Variants in TOGARAM1 observed in about 807,000 individuals in gnomAD.
TOGARAM1 encodes TOG array regulator of axonemal microtubules 1, also known as TOG array regulator of axonemal microtubules protein 1.
TOGARAM1 carries 100 observed loss-of-function variants against 166.6 expected under a neutral mutation model. The observed-to-expected ratio is 0.60, with a 90% CI of 0.51 to 0.71. The LOEUF is 0.71. TOGARAM1 is among the 30% of genes least tolerant of loss of function. The pLI, the probability that TOGARAM1 is intolerant of heterozygous loss-of-function variation, is 0.00. For synonymous variants in TOGARAM1, 758 were observed against 763.8 expected (o/e 0.99, Z 0.13); for missense variants, 2,029 against 2,102.7 (o/e 0.96, Z 0.69).
chr14:45,012,177 C>A, intron 7 of TOGARAM1, 102 bp downstream of exon 7: 1 of 662,730 alleles, frequency 1.5e-6, no homozygotes, highest in Non-Finnish European at 2.4e-6. Flanking sequence ...GTTGTGCATA[C>A]TGGTTAAGAC....
intron 11 of TOGARAM1, 66 bp from the exon 12 acceptor site, chr14:45,043,620 C>T: frequency 1.1e-6 from 1 of 891,480 alleles, no homozygotes; most frequent in Non-Finnish European, 1.9e-6. Context: ...GAAAATAAGA[C>T]ATTTGTGATC....
chr14:45,030,247 C>T (rs1881083100), intron 10 of TOGARAM1, among the ~76,000 whole-genome samples: 1 of 152,088 alleles, frequency 6.6e-6, no homozygotes, highest in South Asian at 2.1e-4. Flanking sequence ...GGTGATAGTA[C>T]TTTGTATTGT....
intron 6 of TOGARAM1, among the ~76,000 whole-genome samples, chr14:45,010,074 G>A (rs1213749908): frequency 2.6e-5 from 4 of 152,088 alleles, no homozygotes; most frequent in Non-Finnish European, 4.4e-5. Flanking sequence ...TGAACCAGAA[G>A]TAAATATTTA....
At position 45,058,703 on chromosome 14, in the gene TOGARAM1, T is replaced by C. The variant is rs112402212; in HGVS notation, c.4559+4154T>C. ...TCATGTTTTTTATCCAGTTTGCCAA[T>C]CTGTAACTTTTAAGTAGAGCATTTA... On this transcript the variant is annotated intron_variant, in intron 16 of 19. Coordinates refer to ENST00000361462, the MANE Select transcript of TOGARAM1 (RefSeq NM_001308120.2). 1.3e-4 allele frequency among the ~76,000 whole-genome samples: 20 copies of C among 152,338 alleles called. 3 individuals are homozygous for C. The highest frequency in any genetic ancestry group is 4.1e-4 in the South Asian group (2 of 4,832).
chr14:44,970,123 G>A (rs980749955), intron 1 of TOGARAM1, among the ~76,000 whole-genome samples: 1 of 152,192 alleles, frequency 6.6e-6, no homozygotes, highest in African/African-American at 2.4e-5. Flanking sequence ...TATAGATCAA[G>A]TTGAGAAAAA....
chr14:45,029,090 G>A (rs1035680319), intron 10 of TOGARAM1, among the ~76,000 whole-genome samples: 2 of 152,114 alleles, frequency 1.3e-5, no homozygotes, highest in South Asian at 2.1e-4. Flanking sequence ...TGCAACAAGT[G>A]GAGAAAACTG....
chr14:45,001,093 C>T (rs898449012), intron 3 of TOGARAM1, among the ~76,000 whole-genome samples: 1 of 152,120 alleles, frequency 6.6e-6, no homozygotes, highest in Non-Finnish European at 1.5e-5. Flanking sequence ...AATTTAGCTT[C>T]CCACCAGCAG....
Position 44,963,274 on chromosome 14 carries a change from G to C in TOGARAM1, c.853G>C (p.Glu285Gln). 2.5e-6 allele frequency: 4 copies of C among 1,614,174 alleles called. No homozygotes were observed. Among genetic ancestry groups the C allele is most frequent in the Non-Finnish European group, 2.5e-6 (3 of 1,180,034 alleles). Residue 285 changes from glutamate (E) to glutamine (Q), a missense_variant, in exon 1 of 20, where the codon GAG (glutamate) becomes CAG (glutamine). By Grantham distance (29) the Glu-to-Gln change is conservative. Coordinates refer to ENST00000361462, the MANE Select transcript of TOGARAM1 (RefSeq NM_001308120.2). ...TTTCTCCGCACTTCAACAAATTGGG[G>C]AGCGACTTGGCCAAGACAGGTTTCA... is the stretch of plus-strand genomic sequence containing the variant. ...TAFSALQQIG[E>Q]RLGQDRFQSY...
intron 2 of TOGARAM1, among the ~76,000 whole-genome samples, chr14:44,999,138 C>CT (rs1887572262): frequency 6.6e-6 from 1 of 152,090 alleles, no homozygotes; most frequent in South Asian, 2.1e-4. Context: ...ACATACCTGT[C>CT]TTTTCCCTGT....
At position 44,963,559 on chromosome 14, in the gene TOGARAM1, G is replaced by A. The variant is rs1885334960; in HGVS notation, c.1138G>A (p.Gly380Arg). ...QAVEELKQVL[G>R]KFNPSSTPHS... ...CGTCGAAGAACTAAAGCAGGTGCTGGGAAAATTTAACCCTAGTTCTACTCC... is the reference window on the plus strand; with the variant it reads ...CGTCGAAGAACTAAAGCAGGTGCTGAGAAAATTTAACCCTAGTTCTACTCC... Residue 380 changes from glycine to arginine, a missense_variant, in exon 1 of 20, where the codon GGA (glycine) becomes AGA (arginine). Physicochemically the swap from Gly to Arg is moderately radical, Grantham distance 125. Coordinates refer to ENST00000361462, the MANE Select transcript of TOGARAM1 (RefSeq NM_001308120.2). The A allele has an allele frequency of 6.2e-7, 1 of 1,613,684 alleles. No individual in the cohort carries two copies.
At chr14:45,020,968 C>T (rs1259870846) in intron 7 of TOGARAM1, among the ~76,000 whole-genome samples, 7 of 152,214 alleles carry the variant, frequency 4.6e-5, no homozygotes, top group Admixed American at 4.6e-4. Context: ...GGGCCAAGGC[C>T]TCATGGAGCC....
rs188338541 is a variant in TOGARAM1 at position 45,037,799 on chromosome 14, G to A, written c.3812+5423G>A. Among the ~76,000 whole-genome samples, 426 of 151,764 alleles carry A rather than the reference G, an allele frequency of 2.8e-3. 2 individuals are homozygous for A. The highest frequency in any genetic ancestry group is 9.8e-3 in the African/African-American group (407 of 41,370). On this transcript the variant is annotated intron_variant, in intron 11 of 19. Transcript: ENST00000361462. ...TCTCAACACTTTGGGAGGCTGAGGC[G>A]GGCGGATCACGAGGTCAGGAGATTG...
intron 16 of TOGARAM1, 123 bp downstream of exon 16, chr14:45,054,672 C>T (rs374777599): frequency 1.4e-5 from 9 of 656,778 alleles, no homozygotes; most frequent in Middle Eastern, 5.5e-4. Context: ...TAAAAGTTTG[C>T]TTAGGATCCA....
intron 3 of TOGARAM1, among the ~76,000 whole-genome samples, chr14:45,001,401 A>T (rs898292198): frequency 3.9e-5 from 6 of 152,240 alleles, no homozygotes; most frequent in African/African-American, 1.4e-4. Flanking sequence ...AAATGAACAA[A>T]TGGGATCACA....
intron 11 of TOGARAM1, among the ~76,000 whole-genome samples, chr14:45,039,558 G>A (rs930428929): frequency 6.6e-6 from 1 of 152,134 alleles, no homozygotes; most frequent in Non-Finnish European, 1.5e-5. Flanking sequence ...CATGCTTGTT[G>A]GTGCCCAAAG....
At chr14:44,993,057 G>A (rs989570332) in intron 1 of TOGARAM1, among the ~76,000 whole-genome samples, 2 of 151,574 alleles carry the variant, frequency 1.3e-5, no homozygotes, top group African/African-American at 4.8e-5. Context: ...GAGCTTGACG[G>A]TTCGAGCTCA....
At chr14:44,992,072 T>TAAAAAA (rs71108676) in intron 1 of TOGARAM1, among the ~76,000 whole-genome samples, 11 of 37,962 alleles carry the variant, frequency 2.9e-4, no homozygotes, top group African/African-American at 5.1e-4. Context: ...CCCTGTCTGT[T>TAAAAAA]AAAAAAAAAA....
chr14:44,993,477 G>A (rs1887250933), intron 1 of TOGARAM1, among the ~76,000 whole-genome samples: 1 of 152,104 alleles, frequency 6.6e-6, no homozygotes, highest in Non-Finnish European at 1.5e-5. Context: ...TCAGTTCCAT[G>A]TTCCTGAGAG....
chr14:44,962,958 A>C lies in TOGARAM1; in HGVS notation c.537A>C (p.Ala179=). 1 of 1,614,148 alleles carries C rather than the reference A, an allele frequency of 6.2e-7. No individual in the cohort carries two copies. The highest frequency in any genetic ancestry group is 8.5e-7 in the Non-Finnish European group (1 of 1,180,038). Residue 179 remains alanine, a synonymous_variant, in exon 1 of 20, where the codon GCA becomes GCC. Transcript: ENST00000361462. ...AGCTTGAAGAGGCCTTTAGCTTAGC[A>C]CTTTTGCCTCAACTAGTTGTCTCGT... is the stretch of plus-strand genomic sequence containing the variant. ...AGQLEEAFSL[A]LLPQLVVSLR...
Sources: gnomAD v4.1 joint callset for allele counts (sites outside exome capture counted in the v4.1 genomes callset) on GRCh38, gnomAD v4.1.1 for gene constraint, MANE v1.5 for transcripts, NCBI Gene and HGNC (gene_info 2026-07-23, HGNC 2026-07-21) for gene names.